Variants in SH3BGRL2 observed in about 807,000 individuals in gnomAD.
The protein encoded by SH3BGRL2 is SH3 domain-binding glutamic acid-rich-like protein 2.
Under a neutral mutation model 14.8 loss-of-function variants are expected in SH3BGRL2, and 21 were observed. The ratio of observed to expected loss-of-function variants is 1.42; its 90% confidence interval spans 1.01 to 2.05. The LOEUF is 2.05. Ranked by LOEUF, SH3BGRL2 falls within the 30% of genes most tolerant of loss-of-function variation. The pLI is 0.00. For missense variants in SH3BGRL2, 147 were observed against 130.8 expected (o/e 1.12, Z -0.61); for synonymous variants, 50 against 47.8 (o/e 1.05, Z -0.19).
At chr6:79,551,519 A>T in the SH3BGRL2 span, among the ~76,000 whole-genome samples, 1 of 152,144 alleles carries the variant, frequency 6.6e-6, no homozygotes, top group Non-Finnish European at 1.5e-5. Context: ...TCTTATAAAG[A>T]GTTACAGCCT....
At chr6:79,642,207 C>A (rs1024897335) in intron 1 of SH3BGRL2, among the ~76,000 whole-genome samples, 2 of 152,232 alleles carry the variant, frequency 1.3e-5, no homozygotes, top group Admixed American at 6.5e-5. Context: ...CATGTACAGA[C>A]TTTTTCTAGT....
intron 1 of SH3BGRL2, among the ~76,000 whole-genome samples, chr6:79,673,047 A>G (rs763516856): frequency 6.6e-5 from 10 of 152,200 alleles, no homozygotes; most frequent in Non-Finnish European, 1.5e-4. Context: ...GTCATGAATC[A>G]ATGAAATGTC....
In SH3BGRL2 at chr6:79,700,958, A is replaced by C. The variant is rs1770443111; in HGVS notation, c.*1449A>C. The C allele has an allele frequency of 6.6e-6, 1 of 152,204 alleles. No homozygotes were observed. 9.4% of individuals were successfully genotyped at this position (152,204 alleles called of 1,614,324 possible). On this transcript the variant is annotated 3_prime_UTR_variant, in exon 4 of 4. Coordinates refer to ENST00000369838, the MANE Select transcript of SH3BGRL2 (RefSeq NM_031469.4). ...AGCAGGAAATTTATAAGAAATTGAA[A>C]GAGCAGAAGAATTACAGCCCTGTCA...
chr6:79,554,666 G>T, the SH3BGRL2 span, among the ~76,000 whole-genome samples: 2 of 152,260 alleles, frequency 1.3e-5, no homozygotes, highest in East Asian at 1.9e-4. Flanking sequence ...CTGCATTTTT[G>T]ATCAGACTTT....
intron 1 of SH3BGRL2, among the ~76,000 whole-genome samples, chr6:79,648,426 A>AC (rs1769192250): frequency 6.7e-6 from 1 of 149,392 alleles, no homozygotes; most frequent in African/African-American, 2.5e-5. Context: ...TATTGTGCTC[A>AC]CTTTGCATTG....
the SH3BGRL2 span, among the ~76,000 whole-genome samples, chr6:79,613,146 T>C: frequency 6.6e-6 from 1 of 152,194 alleles, no homozygotes; most frequent in African/African-American, 2.4e-5. Flanking sequence ...AACATTCTGT[T>C]TAGATCACAG....
the SH3BGRL2 span, among the ~76,000 whole-genome samples, chr6:79,562,402 T>G: frequency 6.6e-6 from 1 of 152,198 alleles, no homozygotes; most frequent in South Asian, 2.1e-4. Context: ...TAGTAACTAT[T>G]AAACAAATTG....
chr6:79,700,510 T>G lies in SH3BGRL2; in HGVS notation c.*1001T>G, dbSNP rs1173040978. 6.6e-6 allele frequency: 1 copy of G among 152,224 alleles called. No individual in the cohort carries two copies. The highest frequency in any genetic ancestry group is 1.5e-5 in the Non-Finnish European group (1 of 68,038). 9.4% of individuals were successfully genotyped at this position (152,224 alleles called of 1,614,324 possible). The stretch of plus-strand genomic sequence containing the variant: ...AATATACCAATGTTGTAGTAAAATT[T>G]AATTTTTCCTTTTGTTACTTTTCAT... On this transcript the variant is annotated 3_prime_UTR_variant, in exon 4 of 4. Transcript: ENST00000369838.
chr6:79,612,164 G>A, the SH3BGRL2 span, among the ~76,000 whole-genome samples: 2 of 152,084 alleles, frequency 1.3e-5, no homozygotes, highest in African/African-American at 4.8e-5. Flanking sequence ...GGGCGTGGTG[G>A]GGTTGGGGGG....
chr6:79,646,774 G>A (rs1158976581), intron 1 of SH3BGRL2, among the ~76,000 whole-genome samples: 1 of 152,168 alleles, frequency 6.6e-6, no homozygotes, highest in Non-Finnish European at 1.5e-5. Flanking sequence ...GACATTTCAT[G>A]TAAATAGAAT....
chr6:79,612,655 T>G, the SH3BGRL2 span, among the ~76,000 whole-genome samples: 2 of 152,334 alleles, frequency 1.3e-5, no homozygotes, highest in East Asian at 3.9e-4. Flanking sequence ...TTGGGGTGTT[T>G]TGGCAACAAT....
intron 1 of SH3BGRL2, among the ~76,000 whole-genome samples, chr6:79,659,364 A>G (rs904202978): frequency 6.6e-6 from 1 of 152,330 alleles, no homozygotes. Flanking sequence ...ATGGCTAGCC[A>G]GTTTTCCCAG....
chr6:79,663,146 C>T (rs982467548), intron 1 of SH3BGRL2, among the ~76,000 whole-genome samples: 3 of 152,194 alleles, frequency 2.0e-5, no homozygotes, highest in Non-Finnish European at 4.4e-5. Flanking sequence ...AAGCCTACTT[C>T]TGTCTACTCG....
chr6:79,622,200 A>G, the SH3BGRL2 span, among the ~76,000 whole-genome samples: 4 of 152,190 alleles, frequency 2.6e-5, no homozygotes, highest in African/African-American at 9.6e-5. Flanking sequence ...GACCAGAAGC[A>G]GATTTGGGAA....
intron 1 of SH3BGRL2, among the ~76,000 whole-genome samples, chr6:79,631,775 A>G (rs1768831533): frequency 6.6e-6 from 1 of 152,182 alleles, no homozygotes; most frequent in Admixed American, 6.5e-5. Context: ...GGAAGCCCCC[A>G]GCTCCTGTTG....
chr6:79,557,732 C>G, the SH3BGRL2 span, among the ~76,000 whole-genome samples: 1 of 152,170 alleles, frequency 6.6e-6, no homozygotes, highest in Non-Finnish European at 1.5e-5. Flanking sequence ...CCTCAGCTAG[C>G]AAATATTAGA....
intron 2 of SH3BGRL2, among the ~76,000 whole-genome samples, chr6:79,686,889 C>A (rs1243106831): frequency 6.6e-6 from 1 of 152,088 alleles, no homozygotes; most frequent in Non-Finnish European, 1.5e-5. Flanking sequence ...GTGAAAGAGC[C>A]ACACCCAGGC....
At chr6:79,555,790 G>A in the SH3BGRL2 span, among the ~76,000 whole-genome samples, 10 of 152,274 alleles carry the variant, frequency 6.6e-5, no homozygotes, top group Non-Finnish European at 1.5e-5. Context: ...TTACAGGCGT[G>A]AGCCACCGCG....
rs1461893927 is a variant in SH3BGRL2 at position 79,701,776 on chromosome 6, G to A, written c.*2267G>A. On this transcript the variant is annotated 3_prime_UTR_variant, in exon 4 of 4. Transcript: ENST00000369838. ...ACCACACTTAGCTCAGAGAATATGG[G>A]GTCCTTACTTGTATTCTTTTATCAG... 1 of 151,688 alleles carries A rather than the reference G, an allele frequency of 6.6e-6. No homozygotes were observed. The highest frequency in any genetic ancestry group is 2.4e-5 in the African/African-American group (1 of 41,218). The allele number at this position is 151,688 out of a possible 1,614,324, so 9.4% of individuals were successfully genotyped here. A position where few individuals can be genotyped will look rare whatever the true frequency, so the allele number is the denominator to read the frequency against.
Sources: allele counts gnomAD v4.1 joint callset (sites outside exome capture counted in the v4.1 genomes callset), GRCh38; gene constraint gnomAD v4.1.1; transcripts MANE v1.5; gene names NCBI Gene and HGNC (gene_info 2026-07-23, HGNC 2026-07-21).